HEPH: variants seen among roughly 807,000 people sequenced by gnomAD.
The protein encoded by HEPH is hephaestin.
A neutral mutation model predicts 80.8 loss-of-function variants in HEPH; 69 were observed. That is an observed-to-expected ratio of 0.85 (90% CI 0.70 to 1.04). The LOEUF (loss-of-function observed/expected upper bound fraction) is 1.04, where lower values mean the gene tolerates loss of function less well. HEPH is among the 50% of genes least tolerant of loss of function. The pLI, the probability that HEPH is intolerant of heterozygous loss-of-function variation, is 0.00. For synonymous variants in HEPH, 431 were observed against 322.8 expected (o/e 1.34, Z -3.60); for missense variants, 1,115 against 891.3 (o/e 1.25, Z -3.20).
Position 66,188,546 on chromosome X carries a change from G to T in HEPH, c.808+5G>T, listed in dbSNP as rs759896676. The stretch of plus-strand genomic sequence containing the variant: ...AGGAGAGCAATAGGATGCATGGTGA[G>T]TTGGGAAAAGGTGGCCACATTGTGA... On this transcript the variant is annotated splice_donor_5th_base_variant and intron_variant, in intron 5 of 20. Coordinates refer to ENST00000343002, the MANE Select transcript of HEPH (RefSeq NM_001367233.3). The T allele has an allele frequency of 8.3e-7, 1 of 1,199,767 alleles. No individual in the cohort carries two copies. Among genetic ancestry groups the T allele is most frequent in the Non-Finnish European group, 1.1e-6 (1 of 887,503 alleles).
chrX:66,165,867 T>C (rs1388007497), intron 1 of HEPH, among the ~76,000 whole-genome samples: 2 of 112,063 alleles, frequency 1.8e-5, no homozygotes, highest in African/African-American at 6.5e-5. Context: ...TCATTTCTCC[T>C]TTTATTTCTT....
At chrX:66,198,842 C>G in intron 10 of HEPH, 36 bp from the exon 11 acceptor site, 1 of 1,081,022 alleles carries the variant, frequency 9.3e-7, no homozygotes, top group Non-Finnish European at 1.3e-6. Flanking sequence ...AAACTATTGT[C>G]ATTATTCCCT....
At position 66,203,471 on chromosome X, in the gene HEPH, T is replaced by C; in HGVS notation, c.2185T>C (p.Tyr729His). The change falls in exon 13 of 21, where the codon TAC becomes CAC. Residue 729 changes from tyrosine to histidine, a missense_variant. Around this residue, in one of 3 missense-constraint regions of HEPH, gnomAD observed 716 missense variants for 523.5 expected, o/e 1.37. Transcript: ENST00000343002. The part of the protein sequence containing the change: ...PGHQATPRQR[Y>H]QAARIYYIMA... ...CCACCAAGCCACCCCTCGCCAACGCTACCAAGCTGCAAGAATCTACTATAT... is the reference window on the plus strand; with the variant it reads ...CCACCAAGCCACCCCTCGCCAACGCCACCAAGCTGCAAGAATCTACTATAT... 8.3e-7 allele frequency: 1 copy of C among 1,211,044 alleles called. No homozygotes were observed. The highest frequency in any genetic ancestry group is 2.3e-4 in the Middle Eastern group (1 of 4,345).
Position 66,164,373 on chromosome X carries a change from G to A in HEPH, c.-111G>A, listed in dbSNP as rs1467499522. 1.7e-5 allele frequency: 13 copies of A among 752,384 alleles called. No individual in the cohort carries two copies. The highest frequency in any genetic ancestry group is 2.0e-5 in the Non-Finnish European group (13 of 638,896). The allele number at this position is 752,384 out of a possible 1,213,427, so 62.0% of individuals were successfully genotyped here. A position where few individuals can be genotyped will look rare whatever the true frequency, so the allele number is the denominator to read the frequency against. ...TTTAGGAGAAAGGCCCTGTAACCAA[G>A]ATACTGACTGAACATGGCTGGCGGA... On this transcript the variant is annotated 5_prime_UTR_variant, in exon 1 of 21. Coordinates refer to ENST00000343002, the MANE Select transcript of HEPH (RefSeq NM_001367233.3).
intron 4 of HEPH, among the ~76,000 whole-genome samples, chrX:66,180,381 G>C (rs1284403561): frequency 1.8e-5 from 2 of 110,881 alleles, no homozygotes; most frequent in Non-Finnish European, 3.8e-5. Flanking sequence ...AGTTTTGCTG[G>C]ATACAGAATT....
intron 4 of HEPH, among the ~76,000 whole-genome samples, chrX:66,182,037 C>G (rs1399374550): frequency 0.017 from 1,827 of 106,129 alleles, 38 homozygotes; most frequent in Non-Finnish European, 0.03. Flanking sequence ...TCTGAGGGCT[C>G]TGTTCTGTTC....
At chrX:66,180,956 T>G (rs762108449) in intron 4 of HEPH, among the ~76,000 whole-genome samples, 1 of 101,403 alleles carries the variant, frequency 9.9e-6, no homozygotes, top group South Asian at 4.9e-4. Flanking sequence ...TATTTGGTTT[T>G]TTTGTTCTTG....
At chrX:66,192,590 C>T (rs934268681) in intron 7 of HEPH, among the ~76,000 whole-genome samples, 3 of 111,597 alleles carry the variant, frequency 2.7e-5, no homozygotes, top group Non-Finnish European at 3.8e-5. Flanking sequence ...AAAGGAAAGC[C>T]CAGGTGGGAC....
At chrX:66,239,695 CCA>C (rs1237070730) in intron 15 of HEPH, among the ~76,000 whole-genome samples, 4 of 111,176 alleles carry the variant, frequency 3.6e-5, no homozygotes, top group Non-Finnish European at 7.5e-5. Context: ...TCCTATGGTT[CCA>C]GAGCAGAAAG....
chrX:66,168,977 G>A (rs980925487), intron 1 of HEPH, among the ~76,000 whole-genome samples: 1 of 111,587 alleles, frequency 9.0e-6, no homozygotes, highest in Admixed American at 9.6e-5. Flanking sequence ...GTTGCTATAG[G>A]CATATGTATG....
intron 9 of HEPH, among the ~76,000 whole-genome samples, chrX:66,195,479 A>G (rs2088037853): frequency 9.0e-6 from 1 of 111,693 alleles, no homozygotes; most frequent in Admixed American, 9.6e-5. Context: ...TGAAAAGCAG[A>G]CAATTACAAA....
rs1474236081 is a variant in HEPH at position 66,221,332 on chromosome X, G to A, written c.2563+13086G>A. 9.8e-5 allele frequency among the ~76,000 whole-genome samples: 11 copies of A among 112,400 alleles called. No individual in the cohort carries two copies. The East Asian group carries it at 3.1e-3, about 31-fold the overall frequency. On this transcript the variant is annotated intron_variant, in intron 15 of 20. Coordinates refer to ENST00000343002, the MANE Select transcript of HEPH (RefSeq NM_001367233.3). ...TCTGATACTGGGAGCAAGGTGGCGG[G>A]ATTTAGGGTGTTGCAAACTTCAATG...
chrX:66,236,327 G>A (rs1370918688), intron 15 of HEPH, among the ~76,000 whole-genome samples: 2 of 111,586 alleles, frequency 1.8e-5, no homozygotes, highest in Non-Finnish European at 3.8e-5. Flanking sequence ...ACATGAAGGA[G>A]TGTTGAATTT....
At position 66,172,606 on chromosome X, in the gene HEPH, C is replaced by T; in HGVS notation, c.412+7C>T. 1 of 1,127,829 alleles carries T rather than the reference C, an allele frequency of 8.9e-7. No individual in the cohort carries two copies. The highest frequency in any genetic ancestry group is 1.2e-6 in the Non-Finnish European group (1 of 851,883). 92.9% of individuals were successfully genotyped at this position (1,127,829 alleles called of 1,213,427 possible). On this transcript the variant is annotated splice_region_variant and intron_variant, in intron 3 of 20. Transcript: ENST00000343002. Reference sequence around the variant, plus strand: ...TACGAGAAGGACTCTGAAGGTAAACCATTCCACCGTTTCTTTCCCCCATGC... The same window carrying T: ...TACGAGAAGGACTCTGAAGGTAAACTATTCCACCGTTTCTTTCCCCCATGC...
In HEPH at chrX:66,218,325, C is replaced by G. The variant is rs143154676; in HGVS notation, c.2563+10079C>G. ...ACAAGTCTCAACAAATTTAAGAAAA[C>G]TGAAATTATATAAAATACTCTCTCT... On this transcript the variant is annotated intron_variant, in intron 15 of 20. Coordinates refer to ENST00000343002, the MANE Select transcript of HEPH (RefSeq NM_001367233.3). Among the ~76,000 whole-genome samples the G allele has an allele frequency of 3.7e-3, 416 of 111,514 alleles. 4 individuals carry two copies. Among genetic ancestry groups the G allele is most frequent in the African/African-American group, 0.013 (394 of 30,678 alleles).
At chrX:66,225,965 C>T (rs1441977199) in intron 15 of HEPH, among the ~76,000 whole-genome samples, 3 of 111,989 alleles carry the variant, frequency 2.7e-5, no homozygotes, top group African/African-American at 9.7e-5. Context: ...TGAGCAATTC[C>T]TGTCCCTTTT....
chrX:66,236,128 G>A (rs190942412), intron 15 of HEPH, among the ~76,000 whole-genome samples: 155 of 111,491 alleles, frequency 1.4e-3, no homozygotes, highest in African/African-American at 4.7e-3. Context: ...GCTCTGGCCA[G>A]AACTTCCAAT....
chrX:66,250,051 T>G (rs541600521), intron 15 of HEPH, among the ~76,000 whole-genome samples: 1 of 111,099 alleles, frequency 9.0e-6, no homozygotes, highest in Middle Eastern at 4.6e-3. Flanking sequence ...AGGAACCTGA[T>G]TAAAAAAGGT....
Position 66,207,227 on chromosome X carries a change from G to T in HEPH, c.2324G>T (p.Gly775Val), listed in dbSNP as rs765541377. Reference sequence around the variant, plus strand: ...TACATTTTCCTGAGCAACAAGGATGGGCTCCTGGGTTCCAGATACAAGAAA... The same window carrying T: ...TACATTTTCCTGAGCAACAAGGATGTGCTCCTGGGTTCCAGATACAAGAAA... Reference protein sequence around the residue: ...YGYIFLSNKDGLLGSRYKKAV... With the variant: ...YGYIFLSNKDVLLGSRYKKAV... The change falls in exon 14 of 21, where the codon GGG (glycine) becomes GTG (valine). Residue 775 changes from glycine (G) to valine (V), a missense_variant. Physicochemically the swap from Gly to Val is moderately radical, Grantham distance 109. This residue lies in a region of HEPH where 716 missense variants were observed against 523.5 expected (regional missense o/e 1.37). Coordinates refer to ENST00000343002, the MANE Select transcript of HEPH (RefSeq NM_001367233.3). 8.3e-7 allele frequency: 1 copy of T among 1,206,414 alleles called. No homozygotes were observed. The highest frequency in any genetic ancestry group is 2.2e-5 in the Admixed American group (1 of 45,741).
Sources: gnomAD v4.1 joint callset for allele counts (sites outside exome capture counted in the v4.1 genomes callset) on GRCh38, gnomAD v4.1.1 for gene constraint, gnomAD v4.1.1 regional missense constraint, MANE v1.5 for transcripts, NCBI Gene and HGNC (gene_info 2026-07-23, HGNC 2026-07-21) for gene names.